Variants in NTM observed in about 807,000 individuals in gnomAD.
NTM encodes IgLON family member 2.
Under a neutral mutation model 42.1 loss-of-function variants are expected in NTM, and 13 were observed. The observed-to-expected ratio is 0.31, with a 90% CI of 0.20 to 0.49. The LOEUF (loss-of-function observed/expected upper bound fraction) is 0.49. Among genes scored for constraint, NTM ranks in the 20% least tolerant of loss-of-function variants. The pLI is 0.99. For missense variants in NTM, 373 were observed against 452.8 expected, an observed-to-expected ratio of 0.82 and a Z score of 1.60; for synonymous variants, 187 against 179.2, an observed-to-expected ratio of 1.04 and a Z score of -0.35.
chr11:131,629,485 G>A (rs888329540), intron 1 of NTM, among the ~76,000 whole-genome samples: 2 of 152,142 alleles, frequency 1.3e-5, no homozygotes, highest in Admixed American at 6.5e-5. Context: ...GCTATATGGT[G>A]AAGAAATGTA....
At chr11:131,586,075 G>T (rs553949716) in intron 1 of NTM, among the ~76,000 whole-genome samples, 1 of 152,288 alleles carries the variant, frequency 6.6e-6, no homozygotes, top group Non-Finnish European at 1.5e-5. Flanking sequence ...GTGTGTGTAT[G>T]AGTGTGTTAG....
chr11:131,888,996 A>T (rs952246674), intron 1 of NTM, among the ~76,000 whole-genome samples: 1 of 151,978 alleles, frequency 6.6e-6, no homozygotes, highest in East Asian at 1.9e-4. Flanking sequence ...GAGCTGCAGC[A>T]GCATTGAGTG....
intron 1 of NTM, among the ~76,000 whole-genome samples, chr11:131,521,383 CTTTTTTTTTTTTTTTTTTTTTTTT>C (rs773233050): frequency 2.2e-5 from 1 of 45,720 alleles, no homozygotes; most frequent in Non-Finnish European, 3.9e-5. Flanking sequence ...AGGTGCCAGT[CTTTTTTTTTTTTTTTTTTTTTTTT>C]TTTTTTTTTT....
intron 1 of NTM, among the ~76,000 whole-genome samples, chr11:131,465,210 T>C (rs977426997): frequency 1.3e-5 from 2 of 152,178 alleles, no homozygotes; most frequent in Admixed American, 6.5e-5. Flanking sequence ...ACTAACCAGC[T>C]GGGTGGCGAG....
rs534395605 is a variant in NTM at position 131,577,725 on chromosome 11, A to G, written c.82+206837A>G. 5.3e-5 allele frequency among the ~76,000 whole-genome samples: 8 copies of G among 152,306 alleles called. No individual in the cohort carries two copies. The South Asian group carries it at 1.5e-3, about 28-fold the overall frequency. ...CTCTGCAGGATGCAGCTTCAAAACCAATGCTCTAAAGCCATGGAATTTTCT... is the reference window on the plus strand; with the variant it reads ...CTCTGCAGGATGCAGCTTCAAAACCGATGCTCTAAAGCCATGGAATTTTCT... On this transcript the variant is annotated intron_variant, in intron 1 of 8. Transcript: ENST00000683400.
At chr11:131,920,603 G>A (rs2057078473) in intron 2 of NTM, among the ~76,000 whole-genome samples, 1 of 152,240 alleles carries the variant, frequency 6.6e-6, no homozygotes, top group African/African-American at 2.4e-5. Flanking sequence ...TATTCACATT[G>A]TTGAATTATT....
chr11:132,012,156 G>A (rs1430564726), intron 2 of NTM, among the ~76,000 whole-genome samples: 1 of 152,138 alleles, frequency 6.6e-6, no homozygotes, highest in Non-Finnish European at 1.5e-5. Flanking sequence ...GGTGGATAGG[G>A]TCGGGGAAGA....
chr11:132,105,768 C>T (rs1454885388), intron 2 of NTM, among the ~76,000 whole-genome samples: 3 of 152,226 alleles, frequency 2.0e-5, no homozygotes, highest in Non-Finnish European at 2.9e-5. Flanking sequence ...TGCAGCCTTG[C>T]TGTCTGCTTC....
At position 131,432,243 on chromosome 11, in the gene NTM, C is replaced by T. The variant is rs765779; in HGVS notation, c.82+61355C>T. On this transcript the variant is annotated intron_variant, in intron 1 of 8. Coordinates refer to ENST00000683400, the MANE Select transcript of NTM (RefSeq NM_001352005.2). ...TTGGAGGTAGGCAAGCTCATTTGTT[C>T]TTTATTCCCCGCCAGTCCGTGAGGA... Among the ~76,000 whole-genome samples, 1,327 of 152,214 alleles carry T rather than the reference C, an allele frequency of 8.7e-3. 28 individuals carry two copies. The highest frequency in any genetic ancestry group is 0.03 in the African/African-American group (1,261 of 41,538).
At chr11:132,182,785 A>G (rs1398477924) in intron 3 of NTM, among the ~76,000 whole-genome samples, 1 of 152,112 alleles carries the variant, frequency 6.6e-6, no homozygotes, top group Non-Finnish European at 1.5e-5. Context: ...AAGCATATAA[A>G]CTTCTCTAAA....
intron 1 of NTM, among the ~76,000 whole-genome samples, chr11:131,827,631 G>A (rs774067901): frequency 2.8e-4 from 42 of 152,044 alleles, no homozygotes; most frequent in Non-Finnish European, 4.3e-4. Context: ...CCCCTTTATC[G>A]CTGTCCTCTA....
intron 1 of NTM, among the ~76,000 whole-genome samples, chr11:131,483,457 G>T (rs1208212589): frequency 6.6e-6 from 1 of 152,198 alleles, no homozygotes; most frequent in Admixed American, 6.5e-5. Flanking sequence ...TGGTCATGAA[G>T]TTAATAAGAA....
At chr11:132,128,600 A>G (rs893566312) in intron 2 of NTM, among the ~76,000 whole-genome samples, 7 of 151,976 alleles carry the variant, frequency 4.6e-5, no homozygotes, top group African/African-American at 1.2e-4. Context: ...TTAACTTGCC[A>G]GGTGATCACA....
At chr11:131,836,357 C>T (rs1391087316) in intron 1 of NTM, among the ~76,000 whole-genome samples, 1 of 152,110 alleles carries the variant, frequency 6.6e-6, no homozygotes, top group Non-Finnish European at 1.5e-5. Flanking sequence ...TGTAAGCCCC[C>T]TTTAAATCTT....
rs767664791 is a variant in NTM, at chr11:132,187,246, T to C, written c.401-24776T>C. On this transcript the variant is annotated intron_variant, in intron 3 of 8. Transcript: ENST00000683400. ...GTGTGTGTGTGTGTGTGTGTGTGTGTGCGTGTGCGTGTTTTAAGGATTGAA... is the reference window on the plus strand; with the variant it reads ...GTGTGTGTGTGTGTGTGTGTGTGTGCGCGTGTGCGTGTTTTAAGGATTGAA... Among the ~76,000 whole-genome samples, 438 of 145,668 alleles carry C rather than the reference T, an allele frequency of 3.0e-3. 1 individual carries two copies. Among genetic ancestry groups the C allele is most frequent in the South Asian group, 4.1e-3 (18 of 4,428 alleles).
intron 2 of NTM, among the ~76,000 whole-genome samples, chr11:132,063,882 C>T (rs2136059708): frequency 6.6e-6 from 1 of 152,332 alleles, no homozygotes; most frequent in East Asian, 1.9e-4. Flanking sequence ...CATCTTCACC[C>T]TCTCTAAGCT....
At chr11:131,957,841 G>A (rs1455225378) in intron 2 of NTM, among the ~76,000 whole-genome samples, 2 of 152,014 alleles carry the variant, frequency 1.3e-5, no homozygotes, top group African/African-American at 2.4e-5. Context: ...AAGGAAAGTC[G>A]AGATAGATGG....
intron 1 of NTM, among the ~76,000 whole-genome samples, chr11:131,897,332 A>C (rs2137633248): frequency 6.6e-6 from 1 of 152,344 alleles, no homozygotes; most frequent in African/African-American, 2.4e-5. Flanking sequence ...ACTGGCAAGA[A>C]GGAAAAAAAT....
chr11:131,486,643 A>G (rs1329857183), intron 1 of NTM, among the ~76,000 whole-genome samples: 1 of 152,200 alleles, frequency 6.6e-6, no homozygotes, highest in Non-Finnish European at 1.5e-5. Context: ...GATCCACTGG[A>G]CTTTGGAGCA....
Sources: gnomAD v4.1 joint callset for allele counts (sites outside exome capture counted in the v4.1 genomes callset) on GRCh38, gnomAD v4.1.1 for gene constraint, MANE v1.5 for transcripts, NCBI Gene and HGNC (gene_info 2026-07-23, HGNC 2026-07-21) for gene names.